The following STAT3 variants were observed in gnomAD, a reference collection of about 807,000 sequenced individuals.
STAT3 encodes DNA-binding protein APRF.
Under a neutral mutation model 114.3 loss-of-function variants are expected in STAT3, and 7 were observed. That is an observed-to-expected ratio of 0.06 (90% CI 0.03 to 0.11). The LOEUF (loss-of-function observed/expected upper bound fraction) is 0.11. STAT3 is among the 10% of genes least tolerant of loss of function. The pLI, the probability that STAT3 is intolerant of heterozygous loss-of-function variation, is 1.00. For synonymous variants in STAT3, 331 were observed against 354.5 expected, an observed-to-expected ratio of 0.93 and a Z score of 0.74; for missense variants, 364 against 960.9, an observed-to-expected ratio of 0.38 and a Z score of 8.21.
In STAT3 at chr17:42,346,647, G is replaced by A; in HGVS notation, c.195C>T (p.Asp65=). 6.2e-7 allele frequency: 1 copy of A among 1,614,098 alleles called. No individual in the cohort carries two copies. The highest frequency in any genetic ancestry group is 8.5e-7 in the Non-Finnish European group (1 of 1,180,024). The part of the protein sequence containing the change: ...LVFHNLLGEI[D]QQYSRFLQES... The stretch of plus-strand genomic sequence containing the variant: ...CTTGCAGGAAGCGGCTATACTGCTG[G>A]TCAATCTCTCCCAGGAGATTATGAA... The change falls in exon 3 of 24, where the codon GAC becomes GAT. Residue 65 remains aspartate, a synonymous_variant. Transcript: ENST00000264657.
chr17:42,325,127 A>C (rs1598397796), intron 15 of STAT3, 66 bp from the exon 16 acceptor site: 6 of 1,466,450 alleles, frequency 4.1e-6, no homozygotes, highest in Non-Finnish European at 5.7e-6. Context: ...AAATCTCTTC[A>C]CCCGCATCTC....
intron 17 of STAT3, 25 bp from the exon 18 acceptor site, chr17:42,323,650 T>C (rs1166800707): frequency 1.9e-6 from 3 of 1,612,376 alleles, no homozygotes; most frequent in Admixed American, 1.7e-5. Context: ...AAGAGTCAAG[T>C]AGTACATTTT....
chr17:42,357,615 T>C (rs1422138535), intron 1 of STAT3, among the ~76,000 whole-genome samples: 3 of 152,072 alleles, frequency 2.0e-5, no homozygotes, highest in African/African-American at 7.2e-5. Flanking sequence ...GAGGTTGCAG[T>C]GAACCAAGAT....
intron 1 of STAT3, among the ~76,000 whole-genome samples, chr17:42,369,018 C>T (rs1028854820): frequency 2.0e-5 from 3 of 152,072 alleles, no homozygotes; most frequent in Non-Finnish European, 4.4e-5. Flanking sequence ...TCTGTTCCTG[C>T]ATTACTTTGC....
intron 4 of STAT3, among the ~76,000 whole-genome samples, chr17:42,340,125 A>C (rs1483107174): frequency 6.6e-6 from 1 of 152,198 alleles, no homozygotes; most frequent in African/African-American, 2.4e-5. Flanking sequence ...TGGGAGGCCA[A>C]GGTGGGCAGA....
chr17:42,344,268 A>T (rs1032994874), intron 4 of STAT3, among the ~76,000 whole-genome samples: 1 of 151,996 alleles, frequency 6.6e-6, no homozygotes, highest in African/African-American at 2.4e-5. Context: ...TAAAAACACA[A>T]AAAATTAGCT....
chr17:42,360,004 G>A (rs17881664), intron 1 of STAT3, among the ~76,000 whole-genome samples: 9,007 of 143,452 alleles, frequency 0.063, 338 homozygotes, highest in South Asian at 0.076. Flanking sequence ...AGCTTGCAGT[G>A]AGCCGAGATC....
chr17:42,319,662 A>G (rs571499628), intron 21 of STAT3, among the ~76,000 whole-genome samples: 6 of 151,990 alleles, frequency 3.9e-5, no homozygotes, highest in South Asian at 2.1e-4. Context: ...CCCTCAAGCC[A>G]TAAGGAAATG....
chr17:42,320,661 G>A (rs1363887401), intron 21 of STAT3, among the ~76,000 whole-genome samples: 2 of 150,766 alleles, frequency 1.3e-5, no homozygotes, highest in Non-Finnish European at 2.9e-5. Flanking sequence ...ACCGGGAGGT[G>A]GAGGTTGCAG....
At chr17:42,344,843 A>C (rs1025098586) in intron 4 of STAT3, among the ~76,000 whole-genome samples, 1 of 151,590 alleles carries the variant, frequency 6.6e-6, no homozygotes, top group Non-Finnish European at 1.5e-5. Context: ...GTGAGCTACT[A>C]CACCTGGCTG....
chr17:42,326,006 G>A (rs779079967), intron 15 of STAT3, 110 bp downstream of exon 15: 5 of 1,032,044 alleles, frequency 4.8e-6, no homozygotes, highest in Admixed American at 1.8e-5. Context: ...TAAACACAGT[G>A]TTAAGCAAAC....
chr17:42,386,142 G>A (rs1196997314), intron 1 of STAT3, among the ~76,000 whole-genome samples: 10 of 152,006 alleles, frequency 6.6e-5, no homozygotes, highest in Admixed American at 2.6e-4. Flanking sequence ...TTAGCTGGGC[G>A]TGGTGGCGCA....
chr17:42,329,891 T>C (rs1179752475), intron 11 of STAT3, 115 bp from the exon 12 acceptor site: 1 of 1,178,502 alleles, frequency 8.5e-7, no homozygotes, highest in African/African-American at 1.5e-5. Context: ...TGGGCATTTC[T>C]TTAAACTATT....
Position 42,317,241 on chromosome 17 carries a change from C to G in STAT3, c.2102-17G>C. 6.2e-7 allele frequency: 1 copy of G among 1,613,208 alleles called. No individual in the cohort carries two copies. Among genetic ancestry groups the G allele is most frequent in the African/African-American group, 1.3e-5 (1 of 75,030 alleles). On this transcript the variant is annotated splice_polypyrimidine_tract_variant and intron_variant, in intron 21 of 23. Transcript: ENST00000264657. ...GGGCAGCGCCTGGGAAGAAGAAAACCAGTTTTCTTACTGACTGTGACTTCG... is the reference window on the plus strand; with the variant it reads ...GGGCAGCGCCTGGGAAGAAGAAAACGAGTTTTCTTACTGACTGTGACTTCG...
In STAT3 at chr17:42,333,792, C is replaced by T. The variant is rs932216394; in HGVS notation, c.957-27G>A. The T allele has an allele frequency of 1.2e-5, 20 of 1,614,150 alleles. No individual in the cohort carries two copies. The highest frequency in any genetic ancestry group is 1.6e-4 in the Middle Eastern group (1 of 6,062). On this transcript the variant is annotated intron_variant, in intron 9 of 23. Coordinates refer to ENST00000264657, the MANE Select transcript of STAT3 (RefSeq NM_139276.3). This position sits in a 1 kb window ranked among gnomAD's most constrained non-coding sequence, Gnocchi z 5.2. ...TGAGGAAAGAGAAGATGGGCTCACG[C>T]GCCACGGCCATGACCAGAAGTCAGC...
At chr17:42,345,365 T>C (rs898524094) in intron 4 of STAT3, 194 bp downstream of exon 4, 1 of 576,536 alleles carries the variant, frequency 1.7e-6, no homozygotes, top group Non-Finnish European at 3.0e-6. Context: ...CTTTCTTTTT[T>C]TTAGAGTTTT....
chr17:42,330,122 CT>C (rs201637887), intron 11 of STAT3, among the ~76,000 whole-genome samples: 316 of 144,768 alleles, frequency 2.2e-3, no homozygotes, highest in Middle Eastern at 7.0e-3. Context: ...TTTCTTTTTT[CT>C]TTTTTTTTTT....
At chr17:42,380,158 TC>T (rs921953101) in intron 1 of STAT3, among the ~76,000 whole-genome samples, 1 of 152,022 alleles carries the variant, frequency 6.6e-6, no homozygotes, top group African/African-American at 2.4e-5. Flanking sequence ...TGCCTCAGCC[TC>T]CCGGGTAGCT....
Position 42,324,912 on chromosome 17 carries a change from C to T in STAT3, c.1464+51G>A. ...GTGCTCATTGTCTATACTAGGTACCCCTAAGTCGCAAGAGATCCCGGGGCA... is the reference window on the plus strand; with the variant it reads ...GTGCTCATTGTCTATACTAGGTACCTCTAAGTCGCAAGAGATCCCGGGGCA... On this transcript the variant is annotated intron_variant, in intron 16 of 23. Transcript: ENST00000264657. This position sits in a 1 kb window ranked among gnomAD's most constrained non-coding sequence, Gnocchi z 4.5. 6.2e-7 allele frequency: 1 copy of T among 1,614,050 alleles called. No homozygotes were observed. Among genetic ancestry groups the T allele is most frequent in the South Asian group, 1.1e-5 (1 of 91,052 alleles).
Sources: allele counts gnomAD v4.1 joint callset (sites outside exome capture counted in the v4.1 genomes callset), GRCh38; gene constraint gnomAD v4.1.1; non-coding constraint Gnocchi (gnomAD v3.1); transcripts MANE v1.5; gene names NCBI Gene and HGNC (gene_info 2026-07-23, HGNC 2026-07-21).